The following SERPINB2 variants were observed in gnomAD, a reference collection of about 807,000 sequenced individuals.
The protein encoded by SERPINB2 is serpin family B member 2, also known as plasminogen activator inhibitor 2.
In SERPINB2, 28 loss-of-function variants were observed where a neutral mutation model predicts 39.4. The observed-to-expected ratio is 0.71, with a 90% confidence interval of 0.53 to 0.97. SERPINB2 has a LOEUF of 0.97. SERPINB2 is among the 50% of genes least tolerant of loss of function. The probability of loss-of-function intolerance (pLI) is 0.00; values close to 1 mark genes in which losing one functional copy is unlikely to be tolerated. For synonymous variants in SERPINB2, 209 were observed against 175.1 expected, an observed-to-expected ratio of 1.19 and a Z score of -1.53; for missense variants, 557 against 505.3, an observed-to-expected ratio of 1.10 and a Z score of -0.98.
chr18:63,902,613 T>C (rs2049999893), intron 7 of SERPINB2, 45 bp downstream of exon 7: 1 of 1,500,466 alleles, frequency 6.7e-7, no homozygotes, highest in East Asian at 2.3e-5. Flanking sequence ...TACCTACCTT[T>C]CGTGAGATGA....
chr18:63,897,355 G>C, intron 4 of SERPINB2, 136 bp downstream of exon 4: 4 of 999,972 alleles, frequency 4.0e-6, no homozygotes, highest in African/African-American at 1.6e-5. Flanking sequence ...CTGGCCTTGC[G>C]TAACAGCTGC....
At position 63,897,766 on chromosome 18, in the gene SERPINB2, C is replaced by G. The variant is rs1284865586; in HGVS notation, c.457C>G (p.Pro153Ala). The G allele has an allele frequency of 6.2e-7, 1 of 1,613,128 alleles. No homozygotes were observed. The highest frequency in any genetic ancestry group is 8.5e-7 in the Non-Finnish European group (1 of 1,179,258). ...RLCQKYYSSE[P>A]QAVDFLECAE... ...CTGTCAGAAATATTACTCCTCAGAA[C>G]CCCAGGCAGTAGACTTCCTAGAATG... is the stretch of plus-strand genomic sequence containing the variant. Residue 153 changes from proline to alanine, a missense_variant, in exon 5 of 8, where the codon CCC (proline) becomes GCC (alanine). By Grantham distance (27) the Pro-to-Ala change is conservative. Transcript: ENST00000299502.
intron 1 of SERPINB2, chr18:63,890,084 C>T (rs2049916076): frequency 6.6e-6 from 1 of 152,202 alleles, no homozygotes; most frequent in East Asian, 1.9e-4. Flanking sequence ...AAAGATTAAA[C>T]GAGGAGAGGA....
chr18:63,894,034 G>T (rs2049943505), intron 2 of SERPINB2, among the ~76,000 whole-genome samples: 1 of 152,150 alleles, frequency 6.6e-6, no homozygotes, highest in Non-Finnish European at 1.5e-5. Context: ...TTTCCTTACA[G>T]TGAGGCAACA....
chr18:63,888,626 A>G (rs745384824), intron 1 of SERPINB2, among the ~76,000 whole-genome samples: 2 of 152,222 alleles, frequency 1.3e-5, no homozygotes, highest in African/African-American at 4.8e-5. Flanking sequence ...GGTGAGAGAC[A>G]ATGGCCGTGT....
chr18:63,898,737 T>C (rs544644337), intron 5 of SERPINB2, among the ~76,000 whole-genome samples: 4 of 152,236 alleles, frequency 2.6e-5, no homozygotes, highest in African/African-American at 9.6e-5. Context: ...GATTTAAAAA[T>C]GATTAAATTG....
At chr18:63,889,604 T>C (rs976316660) in intron 1 of SERPINB2, among the ~76,000 whole-genome samples, 3 of 152,296 alleles carry the variant, frequency 2.0e-5, no homozygotes, top group African/African-American at 7.2e-5. Flanking sequence ...TAATACTCAG[T>C]TTGTTTCCAA....
chr18:63,902,689 G>A (rs2050000418), intron 7 of SERPINB2, 121 bp downstream of exon 7: 2 of 1,119,018 alleles, frequency 1.8e-6, no homozygotes, highest in Non-Finnish European at 2.6e-6. Flanking sequence ...ACAGTTGATA[G>A]TAAATATGGC....
chr18:63,891,362 T>C (rs2049924492), intron 1 of SERPINB2, 74 bp from the exon 2 acceptor site: 1 of 1,461,910 alleles, frequency 6.8e-7, no homozygotes, highest in Admixed American at 1.7e-5. Context: ...CAGCCTGTCC[T>C]ACTGTTGCTG....
At chr18:63,894,528 G>T (rs1460881661) in intron 2 of SERPINB2, among the ~76,000 whole-genome samples, 1 of 152,146 alleles carries the variant, frequency 6.6e-6, no homozygotes, top group African/African-American at 2.4e-5. Flanking sequence ...GGGATGGGGT[G>T]GGTGGCTGGG....
chr18:63,894,683 T>A (rs2049947662), intron 2 of SERPINB2, among the ~76,000 whole-genome samples: 2 of 152,194 alleles, frequency 1.3e-5, no homozygotes, highest in Admixed American at 1.3e-4. Flanking sequence ...CTACTTACTA[T>A]ACGAAGAGAT....
chr18:63,895,189 C>A (rs568919651), intron 2 of SERPINB2, 75 bp from the exon 3 acceptor site: 11 of 1,577,292 alleles, frequency 7.0e-6, no homozygotes, highest in East Asian at 2.2e-5. Flanking sequence ...TTTAGAGCCA[C>A]CTGATAGCCA....
At chr18:63,898,247 G>A (rs1044864964) in intron 5 of SERPINB2, among the ~76,000 whole-genome samples, 20 of 152,138 alleles carry the variant, frequency 1.3e-4, no homozygotes, top group Admixed American at 8.5e-4. Context: ...GAGGAGGGAA[G>A]AATCATAAAA....
intron 5 of SERPINB2, among the ~76,000 whole-genome samples, chr18:63,900,664 T>G (rs2049986052): frequency 2.0e-5 from 3 of 152,012 alleles, no homozygotes. Context: ...CAGAAAGAGG[T>G]GGTAACTCCA....
intron 5 of SERPINB2, among the ~76,000 whole-genome samples, chr18:63,899,220 A>G (rs545148204): frequency 6.6e-6 from 1 of 152,188 alleles, no homozygotes; most frequent in Non-Finnish European, 1.5e-5. Context: ...TCATCTCCTC[A>G]TCTGCTTTTT....
At chr18:63,888,974 G>A (rs988572359) in intron 1 of SERPINB2, among the ~76,000 whole-genome samples, 3 of 152,186 alleles carry the variant, frequency 2.0e-5, no homozygotes, top group Non-Finnish European at 2.9e-5. Context: ...TGAGAGTCAG[G>A]AAACACTGCA....
chr18:63,897,371 C>A, intron 4 of SERPINB2, 152 bp downstream of exon 4: 1 of 808,686 alleles, frequency 1.2e-6, no homozygotes, highest in Non-Finnish European at 1.9e-6. Context: ...GCTGCCCTTC[C>A]TGTACCCTCT....
intron 4 of SERPINB2, 115 bp from the exon 5 acceptor site, chr18:63,897,612 A>G (rs2049968375): frequency 4.9e-6 from 4 of 823,478 alleles, no homozygotes; most frequent in Non-Finnish European, 6.3e-6. Flanking sequence ...GCCAACCTCC[A>G]CTCCCACCCT....
chr18:63,892,152 CCA>C (rs2049930706), intron 2 of SERPINB2, among the ~76,000 whole-genome samples: 1 of 151,702 alleles, frequency 6.6e-6, no homozygotes, highest in Non-Finnish European at 1.5e-5. Context: ...CTCACTATAC[CCA>C]CAGGATGCAT....
Sources: gnomAD v4.1 joint callset for allele counts (sites outside exome capture counted in the v4.1 genomes callset) on GRCh38, gnomAD v4.1.1 for gene constraint, MANE v1.5 for transcripts, NCBI Gene and HGNC (gene_info 2026-07-23, HGNC 2026-07-21) for gene names.